The following PRKCA variants were observed in gnomAD, a reference collection of about 807,000 sequenced individuals.
PRKCA encodes protein kinase C alpha type.
Under a neutral mutation model 87.0 loss-of-function variants are expected in PRKCA, and 27 were observed. That is an observed-to-expected ratio of 0.31 (90% CI 0.23 to 0.43). The LOEUF is 0.43. Ranked by LOEUF, PRKCA falls within the 20% of genes least tolerant of loss-of-function variation. PRKCA has a pLI of 1.00. For synonymous variants in PRKCA, 329 were observed against 311.1 expected (o/e 1.06, Z -0.61); for missense variants, 518 against 852.3 (o/e 0.61, Z 4.88).
intron 8 of PRKCA, among the ~76,000 whole-genome samples, chr17:66,700,717 A>C (rs1973039045): frequency 6.6e-6 from 1 of 152,228 alleles, no homozygotes; most frequent in African/African-American, 2.4e-5. Flanking sequence ...AAAGAACGAA[A>C]TACTTAAGAA....
intron 3 of PRKCA, among the ~76,000 whole-genome samples, chr17:66,501,980 G>A (rs898512603): frequency 6.6e-6 from 1 of 152,144 alleles, no homozygotes; most frequent in African/African-American, 2.4e-5. Flanking sequence ...AGTGGTGTGG[G>A]GTCTGCAGGG....
chr17:66,700,034 A>G (rs987190355), intron 8 of PRKCA, among the ~76,000 whole-genome samples: 3 of 152,242 alleles, frequency 2.0e-5, no homozygotes, highest in Admixed American at 1.3e-4. Context: ...AATATATCCA[A>G]TGAACAGAGA....
intron 2 of PRKCA, among the ~76,000 whole-genome samples, chr17:66,400,394 C>T (rs1279491814): frequency 2.0e-5 from 3 of 152,184 alleles, no homozygotes; most frequent in African/African-American, 7.2e-5. Context: ...TCAAGTGATC[C>T]CCCCGCCTTG....
chr17:66,647,094 C>T (rs1971476790), intron 5 of PRKCA, among the ~76,000 whole-genome samples: 1 of 148,718 alleles, frequency 6.7e-6, no homozygotes, highest in Admixed American at 6.7e-5. Context: ...GCTCTCTGCC[C>T]AGAGGAAGAT....
intron 5 of PRKCA, among the ~76,000 whole-genome samples, chr17:66,671,067 C>G (rs1018950898): frequency 6.6e-6 from 1 of 151,188 alleles, no homozygotes; most frequent in Admixed American, 6.6e-5. Context: ...AAAAATTAGC[C>G]TGGTGTGGTG....
At chr17:66,677,642 G>A (rs570812722) in intron 5 of PRKCA, among the ~76,000 whole-genome samples, 1 of 152,346 alleles carries the variant, frequency 6.6e-6, no homozygotes, top group South Asian at 2.1e-4. Flanking sequence ...GCAGGACTGA[G>A]TTGCACTCCT....
At chr17:66,392,212 A>C (rs1910401982) in intron 2 of PRKCA, among the ~76,000 whole-genome samples, 1 of 150,810 alleles carries the variant, frequency 6.6e-6, no homozygotes, top group Non-Finnish European at 1.5e-5. Flanking sequence ...CCTGGGCGAC[A>C]GAGCAAGACT....
At chr17:66,377,521 ATATATATAATGCCTATATTATG>A (rs1482833461) in intron 2 of PRKCA, among the ~76,000 whole-genome samples, 5 of 148,272 alleles carry the variant, frequency 3.4e-5, no homozygotes, top group Non-Finnish European at 7.4e-5. Context: ...GTATATATGT[ATATATATAATGCCTATATTATG>A]TATATATAAT....
intron 3 of PRKCA, among the ~76,000 whole-genome samples, chr17:66,550,108 A>G (rs1339426098): frequency 6.6e-6 from 1 of 152,098 alleles, no homozygotes; most frequent in Admixed American, 6.5e-5. Flanking sequence ...ACACACACGC[A>G]GACTTGCTTT....
At chr17:66,510,036 T>C (rs1389535773) in intron 3 of PRKCA, among the ~76,000 whole-genome samples, 4 of 152,218 alleles carry the variant, frequency 2.6e-5, no homozygotes, top group Non-Finnish European at 5.9e-5. Flanking sequence ...TTTGAGACTT[T>C]TGGCAACCTG....
At chr17:66,346,339 T>C (rs992081962) in intron 2 of PRKCA, among the ~76,000 whole-genome samples, 2 of 151,934 alleles carry the variant, frequency 1.3e-5, no homozygotes, top group Admixed American at 6.6e-5. Flanking sequence ...CCTAGTGATC[T>C]GCCCACCTTG....
At chr17:66,610,202 G>A (rs993240028) in intron 3 of PRKCA, among the ~76,000 whole-genome samples, 1 of 152,198 alleles carries the variant, frequency 6.6e-6, no homozygotes, top group African/African-American at 2.4e-5. Flanking sequence ...ACATTTACCA[G>A]TTTATTATCA....
intron 14 of PRKCA, among the ~76,000 whole-genome samples, 165 bp from the exon 15 acceptor site, chr17:66,786,702 T>C (rs1421658008): frequency 6.6e-6 from 1 of 152,194 alleles, no homozygotes; most frequent in Non-Finnish European, 1.5e-5. Context: ...TCAATCTCAT[T>C]AAAGATGATC....
At chr17:66,735,856 C>T (rs887349066) in intron 10 of PRKCA, among the ~76,000 whole-genome samples, 194 bp downstream of exon 10, 1 of 151,762 alleles carries the variant, frequency 6.6e-6, no homozygotes, top group Admixed American at 6.6e-5. Context: ...CTGTGATGTC[C>T]TCTGCTTGGC....
chr17:66,461,068 T>C (rs938699425), intron 2 of PRKCA, among the ~76,000 whole-genome samples: 11 of 151,518 alleles, frequency 7.3e-5, no homozygotes, highest in Non-Finnish European at 1.3e-4. Flanking sequence ...TAGCCGGGTG[T>C]GATAGTACAC....
rs565392642 is a variant in PRKCA at position 66,774,279 on chromosome 17, T to C, written c.1605+212T>C. On this transcript the variant is annotated intron_variant, in intron 14 of 16. Coordinates refer to ENST00000413366, the MANE Select transcript of PRKCA (RefSeq NM_002737.3). ...TATCTCTGGTCATAGAAACTCCAAA[T>C]TGAAAGCTACAACCTGGAGTGTAGA... is the stretch of plus-strand genomic sequence containing the variant. The C allele has an allele frequency of 3.6e-6, 5 of 1,403,878 alleles. No homozygotes were observed. In the South Asian group the frequency reaches 5.8e-5, roughly 16 times the overall value. The allele number at this position is 1,403,878 out of a possible 1,614,324, so 87.0% of individuals were successfully genotyped here.
At chr17:66,775,274 G>C (rs1975021292) in intron 14 of PRKCA, 2 of 985,206 alleles carry the variant, frequency 2.0e-6, no homozygotes, top group Non-Finnish European at 2.4e-6. Flanking sequence ...CTGTCCGTCA[G>C]CCCTACTACC....
chr17:66,797,903 A>G (rs1263654156), intron 16 of PRKCA, among the ~76,000 whole-genome samples: 1 of 152,208 alleles, frequency 6.6e-6, no homozygotes, highest in Non-Finnish European at 1.5e-5. Context: ...GGAGGTGGAG[A>G]CAGTGCGCAC....
At chr17:66,664,873 C>G (rs1972005525) in intron 5 of PRKCA, among the ~76,000 whole-genome samples, 1 of 152,022 alleles carries the variant, frequency 6.6e-6, no homozygotes, top group African/African-American at 2.4e-5. Flanking sequence ...CTCCTGGCCT[C>G]AAGCAATCTT....
Sources: gnomAD v4.1 joint callset for allele counts (sites outside exome capture counted in the v4.1 genomes callset) on GRCh38, gnomAD v4.1.1 for gene constraint, MANE v1.5 for transcripts, NCBI Gene and HGNC (gene_info 2026-07-23, HGNC 2026-07-21) for gene names.